Variants in SATB1 observed in about 807,000 individuals in gnomAD.
SATB1 encodes the protein SATB homeobox 1, also known as DNA-binding protein SATB1.
A neutral mutation model predicts 86.9 loss-of-function variants in SATB1; 11 were observed. That is an observed-to-expected ratio of 0.13 (90% confidence interval 0.08 to 0.21). The LOEUF (loss-of-function observed/expected upper bound fraction) is 0.21, where lower values mean the gene tolerates loss of function less well. Among genes scored for constraint, SATB1 ranks in the 10% least tolerant of loss-of-function variants. The pLI is 1.00. For missense variants in SATB1, 551 were observed against 937.6 expected (o/e 0.59, Z 5.39); for synonymous variants, 357 against 357.2 (o/e 1.00, Z 0.01).
At position 18,444,139 on chromosome 3, in the gene SATB1, C is replaced by A. The variant is rs1470575722; in HGVS notation, c.-25+1379G>T. Among the ~76,000 whole-genome samples, 3 of 152,134 alleles carry A rather than the reference C, an allele frequency of 2.0e-5. No homozygotes were observed. Among genetic ancestry groups the A allele is most frequent in the African/African-American group, 7.2e-5 (3 of 41,432 alleles). ...CTCGCGATCCGGTGGGGGAACATTA[C>A]CACTCCCGCAGCCCACTCCTCCAGG... On this transcript the variant is annotated intron_variant, in intron 1 of 3. Transcript: ENST00000415069. The surrounding 1 kb of genome is among the most constrained non-coding windows in gnomAD (Gnocchi z 5.1).
At chr3:18,380,869 T>C (rs1328176753) in intron 8 of SATB1, among the ~76,000 whole-genome samples, 1 of 152,180 alleles carries the variant, frequency 6.6e-6, no homozygotes, top group South Asian at 2.1e-4. Flanking sequence ...TTTAGCTTAG[T>C]ACAAAAAAAT....
intron 5 of SATB1, among the ~76,000 whole-genome samples, chr3:18,412,225 A>G (rs1422535105): frequency 2.0e-5 from 3 of 152,086 alleles, no homozygotes; most frequent in East Asian, 3.9e-4. Flanking sequence ...CAATTATCAA[A>G]AGGAGGAGCC....
chr3:18,370,553 G>GAAAAAAAAAAAAAA (rs1475483695), intron 9 of SATB1, among the ~76,000 whole-genome samples: 1 of 67,140 alleles, frequency 1.5e-5, no homozygotes, highest in Non-Finnish European at 3.3e-5. Flanking sequence ...AAACAAAAAA[G>GAAAAAAAAAAAAAA]AAAAAAGAAA....
In SATB1 at chr3:18,382,954, C is replaced by G. The variant is rs1696137764; in HGVS notation, c.1419+3445G>C. On this transcript the variant is annotated intron_variant, in intron 8 of 10. Transcript: ENST00000338745. The stretch of plus-strand genomic sequence containing the variant: ...TAAACTTGGTTTTCTCATTTTTCTT[C>G]TAGGGAAAGGTTGGTATGAGGATTC... Among the ~76,000 whole-genome samples, 4 of 152,296 alleles carry G rather than the reference C, an allele frequency of 2.6e-5. No individual in the cohort carries two copies. In the South Asian group the frequency reaches 6.2e-4, roughly 24 times the overall value.
Position 18,349,220 on chromosome 3 carries a change from C to G in SATB1, c.2242G>C (p.Glu748Gln), listed in dbSNP as rs1175832926. The G allele has an allele frequency of 6.2e-7, 1 of 1,613,938 alleles. No individual in the cohort carries two copies. The highest frequency in any genetic ancestry group is 1.3e-5 in the African/African-American group (1 of 74,902). ...TCTGTGTTTCCTTCCACTGACAGCT[C>G]TTCTTCTAGTTTCACTGAAAAAAGG... Reference protein sequence around the residue: ...NTLFSVKLEEELSVEGNTDIN... With the variant: ...NTLFSVKLEEQLSVEGNTDIN... The change falls in exon 11 of 11, where the codon GAG becomes CAG. Residue 748 changes from glutamate to glutamine, a missense_variant. This residue lies in a region of SATB1 where 41 missense variants were observed against 38.9 expected (regional missense o/e 1.06). Transcript: ENST00000338745. This position sits in a 1 kb window ranked among gnomAD's most constrained non-coding sequence, Gnocchi z 5.5.
rs529684197 is a variant in SATB1, at chr3:18,348,783, T to G, written c.*387A>C. ...CAAGTTTCCAAAGATCAGTGTGGAG[T>G]GCTACAGAAATAATTATAGGAGAGG... On this transcript the variant is annotated 3_prime_UTR_variant, in exon 11 of 11. Coordinates refer to ENST00000338745, the MANE Select transcript of SATB1 (RefSeq NM_002971.6). 5.5e-6 allele frequency: 1 copy of G among 181,558 alleles called. No homozygotes were observed. Among genetic ancestry groups the G allele is most frequent in the East Asian group, 1.5e-4 (1 of 6,712 alleles). 11.2% of individuals were successfully genotyped at this position (181,558 alleles called of 1,614,324 possible). A position where few individuals can be genotyped will look rare whatever the true frequency, so the allele number is the denominator to read the frequency against.
Position 18,395,046 on chromosome 3 carries a change from T to C in SATB1, c.752-130A>G, listed in dbSNP as rs1696894345. The C allele has an allele frequency of 4.2e-6, 3 of 713,410 alleles. No individual in the cohort carries two copies. In the Admixed American group the frequency reaches 9.0e-5, roughly 21 times the overall value. 44.2% of individuals were successfully genotyped at this position (713,410 alleles called of 1,614,324 possible). A position where few individuals can be genotyped will look rare whatever the true frequency, so the allele number is the denominator to read the frequency against. On this transcript the variant is annotated intron_variant, in intron 6 of 10. Coordinates refer to ENST00000338745, the MANE Select transcript of SATB1 (RefSeq NM_002971.6). ...CCCAAATCCAATAAAACCAAGAAAA[T>C]TTCAAGTTGCAACTTACCAGGCTGT...
At chr3:18,350,476 A>G (rs1694294727) in intron 10 of SATB1, 1 of 152,414 alleles carries the variant, frequency 6.6e-6, no homozygotes, top group Non-Finnish European at 1.5e-5. Context: ...TTATACATAA[A>G]TATGTGACAC....
At chr3:18,363,202 G>C (rs1695007053) in intron 9 of SATB1, among the ~76,000 whole-genome samples, 1 of 151,996 alleles carries the variant, frequency 6.6e-6, no homozygotes, top group Non-Finnish European at 1.5e-5. Flanking sequence ...TAAAAGTTAG[G>C]GAATCACACC....
chr3:18,416,672 G>A (rs1698128108), intron 3 of SATB1, among the ~76,000 whole-genome samples: 2 of 152,124 alleles, frequency 1.3e-5, no homozygotes, highest in South Asian at 2.1e-4. Context: ...GCATACTAAT[G>A]ATTCAGCTGA....
At chr3:18,431,935 T>C (rs1398868330) in intron 2 of SATB1, among the ~76,000 whole-genome samples, 1 of 152,210 alleles carries the variant, frequency 6.6e-6, no homozygotes, top group Non-Finnish European at 1.5e-5. Flanking sequence ...CCTGTGCAGG[T>C]ATGTTATTTA....
chr3:18,433,999 C>T (rs1170999403), intron 2 of SATB1, among the ~76,000 whole-genome samples: 1 of 151,940 alleles, frequency 6.6e-6, no homozygotes, highest in Admixed American at 6.6e-5. Flanking sequence ...TACATAAATA[C>T]ACTTGAGAGA....
chr3:18,358,647 G>C (rs1238486497), intron 9 of SATB1, among the ~76,000 whole-genome samples: 1 of 151,804 alleles, frequency 6.6e-6, no homozygotes, highest in African/African-American at 2.4e-5. Flanking sequence ...GTTTTAAAAA[G>C]GAAATATATT....
chr3:18,390,456 T>C (rs1204069178), intron 7 of SATB1, among the ~76,000 whole-genome samples: 1 of 152,200 alleles, frequency 6.6e-6, no homozygotes, highest in Non-Finnish European at 1.5e-5. Context: ...AGTAGACACA[T>C]TTATCTCTGT....
At position 18,386,104 on chromosome 3, in the gene SATB1, T is replaced by A. The variant is rs559045900; in HGVS notation, c.1419+295A>T. Among the ~76,000 whole-genome samples, 12 of 152,286 alleles carry A rather than the reference T, an allele frequency of 7.9e-5. No individual in the cohort carries two copies. Among genetic ancestry groups the A allele is most frequent in the Non-Finnish European group, 1.5e-4 (10 of 68,012 alleles). ...TATTCTTTTTCTATTGAGTTTAAAATACTTTACTTAATAACAACAGTAGAG... is the reference window on the plus strand; with the variant it reads ...TATTCTTTTTCTATTGAGTTTAAAAAACTTTACTTAATAACAACAGTAGAG... On this transcript the variant is annotated intron_variant, in intron 8 of 10. Coordinates refer to ENST00000338745, the MANE Select transcript of SATB1 (RefSeq NM_002971.6). This position sits in a 1 kb window ranked among gnomAD's most constrained non-coding sequence, Gnocchi z 4.5.
chr3:18,406,851 C>G (rs1392374723), intron 5 of SATB1, among the ~76,000 whole-genome samples: 1 of 152,008 alleles, frequency 6.6e-6, no homozygotes. Context: ...TAAAGTACTA[C>G]TAATACAACT....
chr3:18,428,712 G>A (rs1353911617), upstream of SATB1, among the ~76,000 whole-genome samples: 2 of 152,146 alleles, frequency 1.3e-5, no homozygotes, highest in African/African-American at 4.8e-5. Context: ...TTAAAACAGA[G>A]TGCATCAATT....
At chr3:18,443,628 C>T (rs1323882455), upstream of SATB1, among the ~76,000 whole-genome samples, 2 of 152,198 alleles carry the variant, frequency 1.3e-5, no homozygotes, top group African/African-American at 4.8e-5. This position sits in a 1 kb window ranked among gnomAD's most constrained non-coding sequence, Gnocchi z 4.4. Flanking sequence ...CTGCGTTTCC[C>T]CAGTAAGCAC....
At chr3:18,433,796 T>C (rs1314293898) in intron 2 of SATB1, among the ~76,000 whole-genome samples, 1 of 152,122 alleles carries the variant, frequency 6.6e-6, no homozygotes, top group Non-Finnish European at 1.5e-5. Flanking sequence ...TTTTTCTTTA[T>C]TAATGTGTTC....
Sources: allele counts gnomAD v4.1 joint callset (sites outside exome capture counted in the v4.1 genomes callset), GRCh38; gene constraint gnomAD v4.1.1; regional missense constraint gnomAD v4.1.1; non-coding constraint Gnocchi (gnomAD v3.1); transcripts MANE v1.5; gene names NCBI Gene and HGNC (gene_info 2026-07-23, HGNC 2026-07-21).